The following CHSY3 variants were observed in gnomAD, a reference collection of about 807,000 sequenced individuals.
The protein encoded by CHSY3 is N-acetylgalactosaminyl-proteoglycan 3-beta-glucuronosyltransferase 3.
A neutral mutation model predicts 67.2 loss-of-function variants in CHSY3; 35 were observed. The ratio of observed to expected loss-of-function variants is 0.52; its 90% CI spans 0.40 to 0.69. The LOEUF (loss-of-function observed/expected upper bound fraction) is 0.69, where lower values mean the gene tolerates loss of function less well. CHSY3 is among the 30% of genes least tolerant of loss of function. CHSY3 has a pLI of 0.00. For synonymous variants in CHSY3, 474 were observed against 434.7 expected (o/e 1.09, Z -1.12); for missense variants, 1,069 against 1,138.5 (o/e 0.94, Z 0.88).
intron 2 of CHSY3, among the ~76,000 whole-genome samples, chr5:130,020,405 G>A (rs1250143619): frequency 7.4e-6 from 1 of 134,828 alleles, no homozygotes; most frequent in African/African-American, 2.8e-5. Context: ...GGGCAACAAA[G>A]CAAGACTTCA....
At chr5:129,968,237 A>G (rs145787393) in intron 2 of CHSY3, among the ~76,000 whole-genome samples, 1 of 151,786 alleles carries the variant, frequency 6.6e-6, no homozygotes, top group Non-Finnish European at 1.5e-5. Context: ...GAATAGACCA[A>G]AATGAACTTG....
At chr5:130,162,110 T>TA (rs1399741440) in intron 2 of CHSY3, among the ~76,000 whole-genome samples, 1 of 151,602 alleles carries the variant, frequency 6.6e-6, no homozygotes, top group African/African-American at 2.4e-5. Context: ...TGTTTTAATT[T>TA]AATTATTTGG....
intron 2 of CHSY3, among the ~76,000 whole-genome samples, chr5:129,976,038 AAAAT>A (rs1318572775): frequency 6.6e-6 from 1 of 152,076 alleles, no homozygotes; most frequent in African/African-American, 2.4e-5. Context: ...AAAATAAATA[AAAAT>A]AAATAAATAA....
intron 2 of CHSY3, among the ~76,000 whole-genome samples, chr5:129,946,576 T>A (rs1310170997): frequency 1.3e-5 from 2 of 152,166 alleles, no homozygotes; most frequent in African/African-American, 4.8e-5. Context: ...AACTGAAGGT[T>A]TATACCCTTT....
chr5:130,042,783 A>T (rs1765040662), intron 2 of CHSY3, among the ~76,000 whole-genome samples: 1 of 152,100 alleles, frequency 6.6e-6, no homozygotes, highest in South Asian at 2.1e-4. Flanking sequence ...ACATTAATTC[A>T]GTGTTTTGTT....
At chr5:130,119,986 C>A (rs924612714) in intron 2 of CHSY3, among the ~76,000 whole-genome samples, 2 of 152,094 alleles carry the variant, frequency 1.3e-5, no homozygotes, top group African/African-American at 4.8e-5. Context: ...TCCTTTTGTT[C>A]TTTTTAATTC....
chr5:130,047,246 C>T (rs1035114049), intron 2 of CHSY3, among the ~76,000 whole-genome samples: 1 of 151,964 alleles, frequency 6.6e-6, no homozygotes, highest in Non-Finnish European at 1.5e-5. Flanking sequence ...GACTTTAACT[C>T]AGCTCACCTT....
intron 2 of CHSY3, among the ~76,000 whole-genome samples, chr5:130,058,552 T>C (rs528434418): frequency 6.6e-6 from 1 of 152,268 alleles, no homozygotes; most frequent in South Asian, 2.1e-4. Context: ...ACTTGAACCC[T>C]GAGGTGGAAG....
At chr5:130,150,345 C>A (rs1769200591) in intron 2 of CHSY3, among the ~76,000 whole-genome samples, 1 of 151,968 alleles carries the variant, frequency 6.6e-6, no homozygotes, top group Admixed American at 6.6e-5. Flanking sequence ...TTGTAATCAA[C>A]AAGTAATATC....
At chr5:130,168,702 T>C (rs1769816996) in intron 2 of CHSY3, among the ~76,000 whole-genome samples, 1 of 152,014 alleles carries the variant, frequency 6.6e-6, no homozygotes, top group African/African-American at 2.4e-5. Context: ...TTATTAAAAA[T>C]TAATTATAAA....
intron 2 of CHSY3, among the ~76,000 whole-genome samples, chr5:129,957,304 T>C (rs1762205423): frequency 6.6e-6 from 1 of 152,112 alleles, no homozygotes; most frequent in Non-Finnish European, 1.5e-5. Flanking sequence ...GTGATTTTTG[T>C]ATGTTGATTT....
At chr5:130,110,584 T>C (rs1464020527) in intron 2 of CHSY3, among the ~76,000 whole-genome samples, 1 of 151,984 alleles carries the variant, frequency 6.6e-6, no homozygotes, top group Non-Finnish European at 1.5e-5. Flanking sequence ...AAGATCTGTC[T>C]TGAGCCTTAG....
At chr5:130,037,551 G>T (rs1281484666) in intron 2 of CHSY3, among the ~76,000 whole-genome samples, 1 of 151,964 alleles carries the variant, frequency 6.6e-6, no homozygotes, top group Non-Finnish European at 1.5e-5. Context: ...AACATACTAT[G>T]GCCTGACTGT....
intron 2 of CHSY3, among the ~76,000 whole-genome samples, chr5:129,978,605 A>G (rs919951906): frequency 7.9e-5 from 12 of 152,070 alleles, no homozygotes; most frequent in Non-Finnish European, 1.6e-4. Context: ...ACTTTCCAAT[A>G]TATCATATGT....
chr5:129,912,609 A>G (rs2453778), intron 2 of CHSY3, among the ~76,000 whole-genome samples: 136,997 of 152,214 alleles, frequency 0.9, 61,781 homozygotes, highest in East Asian at 1. Context: ...TTTCAAATGT[A>G]TTTTGATATG....
At chr5:130,022,377 C>T (rs891526126) in intron 2 of CHSY3, among the ~76,000 whole-genome samples, 1 of 151,976 alleles carries the variant, frequency 6.6e-6, no homozygotes, top group Non-Finnish European at 1.5e-5. Context: ...CCTTTGGTTT[C>T]TATACATAAC....
At chr5:130,145,196 A>T (rs1180833271) in intron 2 of CHSY3, among the ~76,000 whole-genome samples, 1 of 152,196 alleles carries the variant, frequency 6.6e-6, no homozygotes, top group Non-Finnish European at 1.5e-5. Context: ...TTGGGTGGAG[A>T]CACATATCCA....
intron 2 of CHSY3, among the ~76,000 whole-genome samples, chr5:129,972,683 G>A (rs1762678037): frequency 6.6e-6 from 1 of 151,514 alleles, no homozygotes. Context: ...GAACCCTTAA[G>A]GTTAACTCCC....
At chr5:129,950,166 C>A (rs1439351619) in intron 2 of CHSY3, among the ~76,000 whole-genome samples, 16 of 138,980 alleles carry the variant, frequency 1.2e-4, no homozygotes, top group East Asian at 2.1e-4. Flanking sequence ...GACTCCATCT[C>A]AAAAAAAAAA....
Sources: allele counts gnomAD v4.1 joint callset (sites outside exome capture counted in the v4.1 genomes callset), GRCh38; gene constraint gnomAD v4.1.1; transcripts MANE v1.5; gene names NCBI Gene and HGNC (gene_info 2026-07-23, HGNC 2026-07-21).